Variants in STX3 observed in about 807,000 individuals in gnomAD.
The protein encoded by STX3 is syntaxin 3, also known as syntaxin-3.
A neutral mutation model predicts 40.2 loss-of-function variants in STX3; 19 were observed. The ratio of observed to expected loss-of-function variants is 0.47; its 90% CI spans 0.33 to 0.69. The LOEUF (loss-of-function observed/expected upper bound fraction) is 0.69, where lower values mean the gene tolerates loss of function less well. Among genes scored for constraint, STX3 ranks in the 30% least tolerant of loss-of-function variants. The pLI, the probability that STX3 is intolerant of heterozygous loss-of-function variation, is 0.02. For missense variants in STX3, 364 were observed against 366.7 expected (o/e 0.99, Z 0.06); for synonymous variants, 122 against 132.2 (o/e 0.92, Z 0.53).
At chr11:59,784,574 C>G (rs1194921202) in intron 2 of STX3, among the ~76,000 whole-genome samples, 1 of 152,176 alleles carries the variant, frequency 6.6e-6, no homozygotes, top group Non-Finnish European at 1.5e-5. Flanking sequence ...CTTTCAGTTC[C>G]ACGTGGCTGG....
chr11:59,799,741 T>C (rs964719988), intron 10 of STX3: 8 of 985,316 alleles, frequency 8.1e-6, no homozygotes, highest in South Asian at 4.7e-5. Flanking sequence ...TATTACAGCA[T>C]TGAGCATTCA....
chr11:59,772,304 G>A lies in STX3; in HGVS notation c.31-907G>A, dbSNP rs556850335. Among the ~76,000 whole-genome samples the A allele has an allele frequency of 2.6e-5, 4 of 152,338 alleles. No homozygotes were observed. In the South Asian group the frequency reaches 6.2e-4, roughly 24 times the overall value. On this transcript the variant is annotated intron_variant, in intron 1 of 10. Transcript: ENST00000337979. ...GCTGTCTGGGAAGAACATTGAACAG[G>A]AATGTAGAAACAGCTCAGGCCCTTA... is the stretch of plus-strand genomic sequence containing the variant.
In STX3 at chr11:59,801,948, A is replaced by G; in HGVS notation, c.*1124A>G. The G allele has an allele frequency of 1.0e-6, 1 of 985,446 alleles. No homozygotes were observed. The highest frequency in any genetic ancestry group is 1.2e-6 in the Non-Finnish European group (1 of 829,926). 61.0% of individuals were successfully genotyped at this position (985,446 alleles called of 1,614,324 possible). Reference sequence around the variant, plus strand: ...CAAGAAACTTGTTTTCTGGATGAATACTGGGAGAATAAAATGAGAACTCTG... The same window carrying G: ...CAAGAAACTTGTTTTCTGGATGAATGCTGGGAGAATAAAATGAGAACTCTG... On this transcript the variant is annotated 3_prime_UTR_variant, in exon 11 of 11. Transcript: ENST00000337979.
intron 9 of STX3, among the ~76,000 whole-genome samples, chr11:59,796,627 A>G (rs192708333): frequency 6.9e-4 from 105 of 152,272 alleles, no homozygotes; most frequent in African/African-American, 2.5e-3. Context: ...ATGCCTTTAC[A>G]TTCCCTCTTA....
chr11:59,799,880 T>G (rs908281437), intron 10 of STX3: 5 of 985,324 alleles, frequency 5.1e-6, no homozygotes, highest in Non-Finnish European at 6.0e-6. Flanking sequence ...GTATGTGAAC[T>G]TTAAATTTTG....
intron 1 of STX3, among the ~76,000 whole-genome samples, chr11:59,770,964 G>T (rs996121017): frequency 2.0e-5 from 3 of 152,068 alleles, no homozygotes; most frequent in Non-Finnish European, 4.4e-5. Context: ...GACATCTCTG[G>T]GGGCAGCCAT....
chr11:59,770,114 G>T (rs1280255959), intron 1 of STX3, among the ~76,000 whole-genome samples: 1 of 150,926 alleles, frequency 6.6e-6, no homozygotes, highest in Admixed American at 6.6e-5. Context: ...GGGTGTGGGT[G>T]TATGTGTGGA....
intron 1 of STX3, among the ~76,000 whole-genome samples, chr11:59,763,208 T>C (rs982080335): frequency 5.3e-5 from 8 of 152,224 alleles, no homozygotes; most frequent in African/African-American, 1.7e-4. Flanking sequence ...GAGATGCCTC[T>C]CTGAGTTAAT....
At chr11:59,792,278 G>C (rs553844852) in intron 6 of STX3, 63 bp downstream of exon 6, 2 of 1,431,158 alleles carry the variant, frequency 1.4e-6, no homozygotes, top group African/African-American at 2.8e-5. Context: ...TCCATCCCAA[G>C]TTTTGAGGCC....
chr11:59,767,238 TAA>T (rs1863325154), intron 1 of STX3, among the ~76,000 whole-genome samples: 1 of 152,128 alleles, frequency 6.6e-6, no homozygotes, highest in Non-Finnish European at 1.5e-5. Flanking sequence ...CAGTGTTGCC[TAA>T]GTCATTGGTG....
intron 8 of STX3, among the ~76,000 whole-genome samples, chr11:59,794,018 G>T (rs1865372005): frequency 6.6e-6 from 1 of 152,030 alleles, no homozygotes; most frequent in Admixed American, 6.5e-5. Flanking sequence ...TGATGACATT[G>T]AAAATGTGAT....
Position 59,773,268 on chromosome 11 carries a change from G to A in STX3, c.88G>A (p.Ala30Thr). 1.2e-6 allele frequency: 2 copies of A among 1,614,060 alleles called. No homozygotes were observed. Among genetic ancestry groups the A allele is most frequent in the Non-Finnish European group, 1.7e-6 (2 of 1,179,978 alleles). ...DAVEIAIDNT[A>T]FMDEFFSEIE... is the part of the protein sequence containing the mutation. ...GGTTGAGATTGCTATCGACAACACG[G>A]CTTTTATGGACGAGTTCTTTTCTGA... Residue 30 changes from alanine (A) to threonine (T), a missense_variant, in exon 2 of 11, where the codon GCT becomes ACT. Transcript: ENST00000337979.
Position 59,794,476 on chromosome 11 carries a change from G to A in STX3, c.676-896G>A, listed in dbSNP as rs968524470. On this transcript the variant is annotated intron_variant, in intron 8 of 10. Transcript: ENST00000337979. ...ACAGCTTGACTAGTTTTTGACATTG[G>A]TTCCCTGCCGAGGGCCTGGATGCTT... 2.0e-5 allele frequency among the ~76,000 whole-genome samples: 3 copies of A among 152,148 alleles called. No individual in the cohort carries two copies. The South Asian group carries it at 6.2e-4, about 32-fold the overall frequency.
At chr11:59,793,330 G>A (rs375528927) in intron 7 of STX3, 50 bp from the exon 8 acceptor site, 54 of 1,602,476 alleles carry the variant, frequency 3.4e-5, no homozygotes, top group African/African-American at 1.6e-4. Context: ...TGTGGCAGGG[G>A]CAGCCTTTCT....
At chr11:59,761,417 C>T (rs559233422) in intron 1 of STX3, among the ~76,000 whole-genome samples, 2 of 152,302 alleles carry the variant, frequency 1.3e-5, no homozygotes, top group East Asian at 3.9e-4. Flanking sequence ...ATTTCAGATG[C>T]CACTGGCTCT....
chr11:59,779,451 C>G (rs1043704968), intron 2 of STX3, among the ~76,000 whole-genome samples: 1 of 152,222 alleles, frequency 6.6e-6, no homozygotes, highest in African/African-American at 2.4e-5. Flanking sequence ...CCATCTCCCT[C>G]TAAGTACCAT....
chr11:59,791,016 G>A (rs1271449618), intron 5 of STX3, among the ~76,000 whole-genome samples: 1 of 152,038 alleles, frequency 6.6e-6, no homozygotes, highest in African/African-American at 2.4e-5. Flanking sequence ...GACCCAGCAG[G>A]AGGATGCGAC....
rs1199800805 is a variant in STX3 at position 59,801,429 on chromosome 11, T to C, written c.*605T>C. 2 of 986,928 alleles carry C rather than the reference T, an allele frequency of 2.0e-6. No individual in the cohort carries two copies. Among genetic ancestry groups the C allele is most frequent in the Non-Finnish European group, 2.4e-6 (2 of 830,894 alleles). The allele number at this position is 986,928 out of a possible 1,614,324, so 61.1% of individuals were successfully genotyped here. ...ATTCAGCCTTAAATTAAGCTCTTAG[T>C]TGTTCAGCTTGGGGGGCAACTTTGA... On this transcript the variant is annotated 3_prime_UTR_variant, in exon 11 of 11. Transcript: ENST00000337979.
At chr11:59,797,456 T>C in intron 10 of STX3, 60 bp downstream of exon 10, 2 of 1,294,472 alleles carry the variant, frequency 1.5e-6, no homozygotes, top group Non-Finnish European at 2.2e-6. Flanking sequence ...GAAATTAGCT[T>C]GGGATTTCAA....
Sources: gnomAD v4.1 joint callset for allele counts (sites outside exome capture counted in the v4.1 genomes callset) on GRCh38, gnomAD v4.1.1 for gene constraint, MANE v1.5 for transcripts, NCBI Gene and HGNC (gene_info 2026-07-23, HGNC 2026-07-21) for gene names.